The following PACS2 variants were observed in gnomAD, a reference collection of about 807,000 sequenced individuals.
The protein encoded by PACS2 is phosphofurin acidic cluster sorting protein 2.
A neutral mutation model predicts 113.0 loss-of-function variants in PACS2; 36 were observed. The ratio of observed to expected loss-of-function variants is 0.32; its 90% CI spans 0.24 to 0.42. The LOEUF (loss-of-function observed/expected upper bound fraction) is 0.42. Among genes scored for constraint, PACS2 ranks in the 10% least tolerant of loss-of-function variants. PACS2 has a pLI of 1.00. For missense variants in PACS2, 1,015 were observed against 1,239.5 expected, an observed-to-expected ratio of 0.82 and a Z score of 2.72; for synonymous variants, 589 against 536.1, an observed-to-expected ratio of 1.10 and a Z score of -1.36.
Position 105,358,720 on chromosome 14 carries a change from C to A in PACS2, c.423+3543C>A, listed in dbSNP as rs2060552428. Among the ~76,000 whole-genome samples, 1 of 152,178 alleles carries A rather than the reference C, an allele frequency of 6.6e-6. No individual in the cohort carries two copies. Among genetic ancestry groups the A allele is most frequent in the Non-Finnish European group, 1.5e-5 (1 of 68,016 alleles). ...AGCCGGACTCCTCTTGTGGCCTCGCCACAAGCTGCACATGCCACTGGGGCC... is the reference window on the plus strand; with the variant it reads ...AGCCGGACTCCTCTTGTGGCCTCGCAACAAGCTGCACATGCCACTGGGGCC... On this transcript the variant is annotated intron_variant, in intron 4 of 24. Transcript: ENST00000447393. This position sits in a 1 kb window ranked among gnomAD's most constrained non-coding sequence, Gnocchi z 4.9.
chr14:105,300,776 A>T, exon 1 of PACS2: 1 of 540,686 alleles, frequency 1.8e-6, no homozygotes, highest in Admixed American at 5.2e-5. Context: ...TCGCAGCCGC[A>T]GATTCGCCGC....
chr14:105,380,064 A>G lies in PACS2; in HGVS notation c.1051-16A>G, dbSNP rs1381660131. ...TGCAGTTGAGCACAAGCTGATTCCC[A>G]TCTCCTCCCCCACAGGCTGACGTGC... On this transcript the variant is annotated splice_polypyrimidine_tract_variant and intron_variant, in intron 10 of 24. Coordinates refer to ENST00000447393, the MANE Select transcript of PACS2 (RefSeq NM_001100913.3). 7.1e-6 allele frequency: 11 copies of G among 1,550,768 alleles called. No individual in the cohort carries two copies. The East Asian group carries it at 2.7e-4, about 38-fold the overall frequency.
rs587687790 is a variant in PACS2 at position 105,327,552 on chromosome 14, C to T, written c.119+12515C>T. Among the ~76,000 whole-genome samples the T allele has an allele frequency of 9.9e-5, 15 of 152,172 alleles. No individual in the cohort carries two copies. The South Asian group carries it at 2.1e-3, about 21-fold the overall frequency. ...ACAGCAGGTGTCTGCCGCTAGCGCT[C>T]GGAGCCTGTGCTGGGGGCAGGGTGG... On this transcript the variant is annotated intron_variant, in intron 1 of 24. Transcript: ENST00000447393.
rs782028176 is a variant in PACS2 at position 105,382,483 on chromosome 14, A to G, written c.1420A>G (p.Arg474Gly). ...CAGGGCTCTGTGCCTCCAGATCCCCAGGAAGACTGTGTATGACCAGCTCAA... is the reference window on the plus strand; with the variant it reads ...CAGGGCTCTGTGCCTCCAGATCCCCGGGAAGACTGTGTATGACCAGCTCAA... ...SQLQVQLQIP[R>G]KTVYDQLNHI... Residue 474 changes from arginine (R) to glycine (G), a missense_variant, in exon 14 of 25, where the codon AGG (arginine) becomes GGG (glycine). Transcript: ENST00000447393. The G allele has an allele frequency of 6.9e-6, 11 of 1,599,572 alleles. No individual in the cohort carries two copies. The highest frequency in any genetic ancestry group is 1.1e-5 in the South Asian group (1 of 90,810).
At chr14:105,382,786 C>A in intron 14 of PACS2, 21 bp from the exon 15 acceptor site, 1 of 1,481,042 alleles carries the variant, frequency 6.8e-7, no homozygotes, top group Non-Finnish European at 9.3e-7. Context: ...CCGAAGTCAG[C>A]GTCTGCCTGT....
chr14:105,394,399 CG>C, intron 24 of PACS2, 154 bp from the exon 25 acceptor site: 1 of 985,332 alleles, frequency 1.0e-6, no homozygotes, highest in South Asian at 4.7e-5. Context: ...CTGGAGCCCC[CG>C]AGTCCCTGAG....
chr14:105,310,869 T>C (rs1401914007), upstream of PACS2, among the ~76,000 whole-genome samples: 5 of 152,248 alleles, frequency 3.3e-5, no homozygotes, highest in African/African-American at 1.2e-4. Context: ...CCTATCAATA[T>C]TTTTCTATAC....
At position 105,384,349 on chromosome 14, in the gene PACS2, G is replaced by C; in HGVS notation, c.1781-4G>C. 6.3e-7 allele frequency: 1 copy of C among 1,583,032 alleles called. No homozygotes were observed. Among genetic ancestry groups the C allele is most frequent in the Non-Finnish European group, 8.7e-7 (1 of 1,154,668 alleles). On this transcript the variant is annotated splice_region_variant and splice_polypyrimidine_tract_variant and intron_variant, in intron 16 of 24. Transcript: ENST00000447393. ...GTGACACCAGCCCCACCCCTGGCAT[G>C]CAGGCTCCCACCCCGTGGCCAGGTA...
upstream of PACS2, among the ~76,000 whole-genome samples, chr14:105,312,160 G>A (rs374274615): frequency 5.9e-5 from 9 of 152,202 alleles, no homozygotes; most frequent in East Asian, 1.2e-3. Flanking sequence ...TGGTCCTGGC[G>A]CCCGACTGGA....
In PACS2 at chr14:105,330,249, G is replaced by A. The variant is rs1566908512; in HGVS notation, c.119+15212G>A. Among the ~76,000 whole-genome samples the A allele has an allele frequency of 7.5e-6, 1 of 134,022 alleles. No individual in the cohort carries two copies. The highest frequency in any genetic ancestry group is 7.4e-5 in the Admixed American group (1 of 13,602). 87.9% of individuals were successfully genotyped at this position (134,022 alleles called of 152,430 possible). A position where few individuals can be genotyped will look rare whatever the true frequency, so the allele number is the denominator to read the frequency against. On this transcript the variant is annotated intron_variant, in intron 1 of 24. Coordinates refer to ENST00000447393, the MANE Select transcript of PACS2 (RefSeq NM_001100913.3). This position sits in a 1 kb window ranked among gnomAD's most constrained non-coding sequence, Gnocchi z 6.9. The stretch of plus-strand genomic sequence containing the variant: ...GACGGAACGGGGACAGGGAGCCTCC[G>A]AGAAGCCTGGGGTCCGTGTGTGGGA...
In PACS2 at chr14:105,382,473, C is replaced by G. The variant is rs2081028934; in HGVS notation, c.1414-4C>G. ...TGGGTGTGGACAGGGCTCTGTGCCT[C>G]CAGATCCCCAGGAAGACTGTGTATG... On this transcript the variant is annotated splice_region_variant and splice_polypyrimidine_tract_variant and intron_variant, in intron 13 of 24. Transcript: ENST00000447393. The G allele has an allele frequency of 3.8e-6, 6 of 1,570,826 alleles. No individual in the cohort carries two copies. Among genetic ancestry groups the G allele is most frequent in the Non-Finnish European group, 5.3e-6 (6 of 1,140,792 alleles).
At position 105,357,727 on chromosome 14, in the gene PACS2, C is replaced by T. The variant is rs1324505774; in HGVS notation, c.423+2550C>T. On this transcript the variant is annotated intron_variant, in intron 4 of 24. Coordinates refer to ENST00000447393, the MANE Select transcript of PACS2 (RefSeq NM_001100913.3). This position sits in a 1 kb window ranked among gnomAD's most constrained non-coding sequence, Gnocchi z 5.1. ...GGCAGAGGTGGGGGGCTCTCACCAG[C>T]TGGGCTCAGGCAGCTGTGCCATGGG... Among the ~76,000 whole-genome samples, 4 of 152,150 alleles carry T rather than the reference C, an allele frequency of 2.6e-5. No individual in the cohort carries two copies. Among genetic ancestry groups the T allele is most frequent in the African/African-American group, 9.7e-5 (4 of 41,436 alleles).
chr14:105,392,297 C>T (rs1467109719), intron 22 of PACS2: 5 of 417,900 alleles, frequency 1.2e-5, no homozygotes, highest in East Asian at 5.0e-5. Flanking sequence ...TTCCAGCCGC[C>T]GGCTCCTTCC....
At chr14:105,337,745 CCT>C (rs2059579878) in intron 1 of PACS2, among the ~76,000 whole-genome samples, 1 of 152,214 alleles carries the variant, frequency 6.6e-6, no homozygotes, top group Admixed American at 6.5e-5. Flanking sequence ...CAGACCTGCC[CCT>C]GAGATCCTGT....
At chr14:105,304,560 G>A (rs907268682) in intron 1 of PACS2, among the ~76,000 whole-genome samples, 7 of 152,238 alleles carry the variant, frequency 4.6e-5, no homozygotes, top group African/African-American at 9.6e-5. Flanking sequence ...CCCAAGGTGC[G>A]TGCTGCCAGA....
intron 19 of PACS2, among the ~76,000 whole-genome samples, chr14:105,387,058 C>T (rs1595172133): frequency 6.6e-6 from 1 of 152,314 alleles, no homozygotes; most frequent in African/African-American, 2.4e-5. Flanking sequence ...CCCCTGCCTC[C>T]GTGTTGCAGG....
At chr14:105,321,735 C>CT (rs57357666) in intron 1 of PACS2, among the ~76,000 whole-genome samples, 17,435 of 151,510 alleles carry the variant, frequency 0.12, 3,398 homozygotes, top group African/African-American at 0.4. Flanking sequence ...GTATTTTGAA[C>CT]TTTTCTCATT....
chr14:105,357,269 C>A lies in PACS2; in HGVS notation c.423+2092C>A, dbSNP rs1296003282. Among the ~76,000 whole-genome samples the A allele has an allele frequency of 6.6e-6, 1 of 152,082 alleles. No homozygotes were observed. Among genetic ancestry groups the A allele is most frequent in the Non-Finnish European group, 1.5e-5 (1 of 68,010 alleles). On this transcript the variant is annotated intron_variant, in intron 4 of 24. Transcript: ENST00000447393. The surrounding 1 kb of genome is among the most constrained non-coding windows in gnomAD (Gnocchi z 5.1). ...GGGAGAGGCTGGAGCAACCTTCCCCCACCCCAGGTCACACCAGCCACATCG... is the reference window on the plus strand; with the variant it reads ...GGGAGAGGCTGGAGCAACCTTCCCCAACCCCAGGTCACACCAGCCACATCG...
intron 1 of PACS2, among the ~76,000 whole-genome samples, chr14:105,327,832 C>G (rs1247761135): frequency 6.6e-6 from 1 of 151,824 alleles, no homozygotes; most frequent in Non-Finnish European, 1.5e-5. Context: ...CCATTGACAA[C>G]TGAGCCTTGG....
Sources: allele counts gnomAD v4.1 joint callset (sites outside exome capture counted in the v4.1 genomes callset), GRCh38; gene constraint gnomAD v4.1.1; non-coding constraint Gnocchi (gnomAD v3.1); transcripts MANE v1.5; gene names NCBI Gene and HGNC (gene_info 2026-07-23, HGNC 2026-07-21).